The following AKAP19 variants were observed in gnomAD, a reference collection of about 807,000 sequenced individuals.
AKAP19 encodes the protein small A-kinase anchoring protein.
chr2:190,064,762 C>T, the AKAP19 span, among the ~76,000 whole-genome samples: 1 of 152,114 alleles, frequency 6.6e-6, no homozygotes, highest in Non-Finnish European at 1.5e-5. Flanking sequence ...AGTCACAAAG[C>T]CTACTTTCTA....
the AKAP19 span, among the ~76,000 whole-genome samples, chr2:190,051,092 CTG>C: frequency 2.6e-5 from 4 of 152,166 alleles, no homozygotes; most frequent in Non-Finnish European, 1.5e-5. Flanking sequence ...GAGTTAATGA[CTG>C]TGAAAAATTG....
the AKAP19 span, among the ~76,000 whole-genome samples, chr2:190,198,604 C>G: frequency 8.4e-6 from 1 of 119,510 alleles, no homozygotes; most frequent in Admixed American, 1.2e-4. Context: ...TTACTCCAGA[C>G]TGAGTTAACA....
the AKAP19 span, among the ~76,000 whole-genome samples, chr2:190,071,055 C>G: frequency 1.3e-5 from 2 of 152,090 alleles, no homozygotes; most frequent in African/African-American, 4.8e-5. Context: ...TCTTGATGAT[C>G]CCAACTGAGT....
chr2:190,156,338 T>A, the AKAP19 span, among the ~76,000 whole-genome samples: 1 of 152,306 alleles, frequency 6.6e-6, no homozygotes, highest in South Asian at 2.1e-4. Flanking sequence ...ATAGATTTTA[T>A]ATACATACAA....
chr2:190,002,952 T>C, the AKAP19 span, among the ~76,000 whole-genome samples: 2 of 152,156 alleles, frequency 1.3e-5, no homozygotes, highest in Non-Finnish European at 2.9e-5. Flanking sequence ...CCAATACAAC[T>C]CCATTGCCAT....
At chr2:190,164,756 T>C in the AKAP19 span, among the ~76,000 whole-genome samples, 7 of 152,290 alleles carry the variant, frequency 4.6e-5, no homozygotes, top group Non-Finnish European at 8.8e-5. Context: ...TTTTGGAATA[T>C]ACAAAATATG....
the AKAP19 span, among the ~76,000 whole-genome samples, chr2:189,969,521 G>A: frequency 9.2e-5 from 14 of 152,034 alleles, no homozygotes; most frequent in African/African-American, 3.1e-4. Flanking sequence ...ACGAGGCCAG[G>A]AGTTCACGAC....
chr2:190,124,844 T>C, the AKAP19 span, among the ~76,000 whole-genome samples: 2 of 152,280 alleles, frequency 1.3e-5, no homozygotes, highest in Non-Finnish European at 2.9e-5. Context: ...ATGCCCTTAC[T>C]CTATAAACTT....
the AKAP19 span, among the ~76,000 whole-genome samples, chr2:189,953,565 C>G: frequency 5.8e-5 from 8 of 138,756 alleles, no homozygotes; most frequent in Non-Finnish European, 3.0e-5. Flanking sequence ...ACCTTGGAGG[C>G]GGAAGTTGCA....
the AKAP19 span, among the ~76,000 whole-genome samples, chr2:190,177,589 T>C: frequency 9.9e-5 from 15 of 152,130 alleles, no homozygotes; most frequent in African/African-American, 3.6e-4. This position sits in a 1 kb window ranked among gnomAD's most constrained non-coding sequence, Gnocchi z 4.6. Context: ...CTCCCAGAGG[T>C]GCAAGCTCTG....
chr2:189,945,401 C>T, the AKAP19 span, among the ~76,000 whole-genome samples: 1 of 152,168 alleles, frequency 6.6e-6, no homozygotes, highest in African/African-American at 2.4e-5. Context: ...TAGATGCAAA[C>T]CCCACTGCCT....
At chr2:190,149,003 G>C in the AKAP19 span, among the ~76,000 whole-genome samples, 1 of 140,880 alleles carries the variant, frequency 7.1e-6, no homozygotes, top group Non-Finnish European at 1.5e-5. Context: ...CACTCTTCTT[G>C]CCCAGGCTGG....
chr2:190,192,018 A>G, the AKAP19 span, among the ~76,000 whole-genome samples: 1 of 151,496 alleles, frequency 6.6e-6, no homozygotes, highest in Non-Finnish European at 1.5e-5. Flanking sequence ...TTTTGGTATC[A>G]CATCTAAGAA....
the AKAP19 span, chr2:189,923,793 C>A: frequency 2.5e-6 from 4 of 1,612,432 alleles, no homozygotes; most frequent in South Asian, 4.4e-5. Context: ...GGAAACACTT[C>A]ACAAAGGGGC....
At chr2:190,155,095 GCTCCAACTTT>G in the AKAP19 span, among the ~76,000 whole-genome samples, 1 of 152,152 alleles carries the variant, frequency 6.6e-6, no homozygotes, top group Non-Finnish European at 1.5e-5. Flanking sequence ...AACATAGAGG[GCTCCAACTTT>G]CTCCAGTCAA....
the AKAP19 span, among the ~76,000 whole-genome samples, chr2:190,093,083 AG>A: frequency 1.3e-5 from 2 of 152,168 alleles, no homozygotes. Flanking sequence ...GTATATAGTT[AG>A]TATAGCTATA....
chr2:190,141,001 G>GA, the AKAP19 span, among the ~76,000 whole-genome samples: 1 of 152,130 alleles, frequency 6.6e-6, no homozygotes, highest in Non-Finnish European at 1.5e-5. Context: ...TAGGGCAGGG[G>GA]AAAAATGCCA....
the AKAP19 span, among the ~76,000 whole-genome samples, chr2:190,150,737 C>T: frequency 1.3e-5 from 2 of 151,368 alleles, no homozygotes; most frequent in East Asian, 2.0e-4. Flanking sequence ...CTCTGTCCTC[C>T]CAAGAGGAGA....
the AKAP19 span, among the ~76,000 whole-genome samples, chr2:189,955,854 T>C: frequency 6.6e-6 from 1 of 152,202 alleles, no homozygotes; most frequent in African/African-American, 2.4e-5. Context: ...CTCAGGGTTG[T>C]TTAAAAACCA....
Sources: allele counts gnomAD v4.1 joint callset (sites outside exome capture counted in the v4.1 genomes callset), GRCh38; gene constraint gnomAD v4.1.1; non-coding constraint Gnocchi (gnomAD v3.1); transcripts MANE v1.5; gene names NCBI Gene and HGNC (gene_info 2026-07-23, HGNC 2026-07-21).